LTBP2: variants seen among roughly 807,000 people sequenced by gnomAD.
LTBP2 encodes the protein latent-transforming growth factor beta-binding protein 2.
LTBP2 carries 103 observed loss-of-function variants against 210.6 expected under a neutral mutation model. The ratio of observed to expected loss-of-function variants is 0.49; its 90% confidence interval spans 0.42 to 0.58. The LOEUF (loss-of-function observed/expected upper bound fraction) is 0.58, where lower values mean the gene tolerates loss of function less well. Ranked by LOEUF, LTBP2 falls within the 20% of genes least tolerant of loss-of-function variation. The pLI is 0.00. For missense variants in LTBP2, 2,313 were observed against 2,494.5 expected (o/e 0.93, Z 1.55); for synonymous variants, 1,007 against 1,015.0 (o/e 0.99, Z 0.15).
chr14:74,580,115 G>A (rs2088117213), intron 3 of LTBP2, among the ~76,000 whole-genome samples: 1 of 152,184 alleles, frequency 6.6e-6, no homozygotes, highest in Admixed American at 6.5e-5. Flanking sequence ...TAGTGTTGCA[G>A]AGAAAAATGC....
intron 3 of LTBP2, among the ~76,000 whole-genome samples, chr14:74,576,078 C>A (rs2088054942): frequency 6.6e-6 from 1 of 152,224 alleles, no homozygotes; most frequent in African/African-American, 2.4e-5. Context: ...ACTCTCCCTG[C>A]CCTCAGGGGA....
rs1179439984 is a variant in LTBP2 at position 74,499,116 on chromosome 14, C to CTAT, written c.*1765_*1767dup. ...CTTCTGTCAGCTGTTATGAGAGTAC[C>CTAT]TATTTCCCACATGCTTGCCAGCTAG... is the stretch of plus-strand genomic sequence containing the variant. On this transcript the variant is annotated 3_prime_UTR_variant, in exon 36 of 36. Coordinates refer to ENST00000261978, the MANE Select transcript of LTBP2 (RefSeq NM_000428.3). The CTAT allele has an allele frequency of 4.6e-6, 1 of 217,008 alleles. No individual in the cohort carries two copies. The highest frequency in any genetic ancestry group is 9.3e-6 in the Non-Finnish European group (1 of 107,910). The allele number at this position is 217,008 out of a possible 1,614,324, so 13.4% of individuals were successfully genotyped here.
At position 74,506,693 on chromosome 14, in the gene LTBP2, C is replaced by T. The variant is rs2086990384; in HGVS notation, c.4033+5G>A. 1 of 1,613,240 alleles carries T rather than the reference C, an allele frequency of 6.2e-7. No individual in the cohort carries two copies. The highest frequency in any genetic ancestry group is 1.3e-5 in the African/African-American group (1 of 75,064). On this transcript the variant is annotated splice_donor_5th_base_variant and intron_variant, in intron 27 of 35. Transcript: ENST00000261978. ...CAGACCTTGGGTAGCCCACAGGCTC[C>T]TCACCCACACAGTCCCAGCCTGAGG...
chr14:74,516,821 C>A lies in LTBP2; in HGVS notation c.2908+1G>T. On this transcript the variant is annotated splice_donor_variant, in intron 18 of 35. Coordinates refer to ENST00000261978, the MANE Select transcript of LTBP2 (RefSeq NM_000428.3). LOFTEE classifies it high-confidence loss of function. ...GCGCTTCCCTCCTTCCCGTTCCTTA[C>A]CTTGGCAGTGTCCTTTCCTGACCAT... 6.4e-7 allele frequency: 1 copy of A among 1,551,802 alleles called. No homozygotes were observed. The highest frequency in any genetic ancestry group is 8.7e-7 in the Non-Finnish European group (1 of 1,147,028).
At position 74,532,420 on chromosome 14, in the gene LTBP2, A is replaced by C; in HGVS notation, c.1987+6T>G. On this transcript the variant is annotated splice_donor_region_variant and intron_variant, in intron 10 of 35. Coordinates refer to ENST00000261978, the MANE Select transcript of LTBP2 (RefSeq NM_000428.3). ...CCACCCCCACCCCATCCCTGCCAGC[A>C]CTCACACACACAGCGGCTCCGCGAT... 2 of 1,613,860 alleles carry C rather than the reference A, an allele frequency of 1.2e-6. No individual in the cohort carries two copies. Among genetic ancestry groups the C allele is most frequent in the East Asian group, 4.5e-5 (2 of 44,872 alleles).
chr14:74,498,644 G>T lies in LTBP2; in HGVS notation c.*2240C>A. 1 of 232,094 alleles carries T rather than the reference G, an allele frequency of 4.3e-6. No individual in the cohort carries two copies. The allele number at this position is 232,094 out of a possible 1,614,324, so 14.4% of individuals were successfully genotyped here. Reference sequence around the variant, plus strand: ...AAGGTTGGCAGGAAGGTGGAGATTGGAGTGTTGTGGGGGCAGTGGGAACAG... The same window carrying T: ...AAGGTTGGCAGGAAGGTGGAGATTGTAGTGTTGTGGGGGCAGTGGGAACAG... On this transcript the variant is annotated 3_prime_UTR_variant, in exon 36 of 36. Transcript: ENST00000261978.
chr14:74,606,053 G>C (rs747140195), intron 1 of LTBP2, among the ~76,000 whole-genome samples: 1 of 152,148 alleles, frequency 6.6e-6, no homozygotes, highest in Non-Finnish European at 1.5e-5. Flanking sequence ...AAATGAGCCT[G>C]AACAGCTGGG....
intron 8 of LTBP2, among the ~76,000 whole-genome samples, chr14:74,542,803 T>C (rs1357813261): frequency 1.3e-5 from 2 of 149,990 alleles, no homozygotes; most frequent in Non-Finnish European, 1.5e-5. Flanking sequence ...AGTCTAGCTC[T>C]GTCACCAGGC....
chr14:74,545,603 G>A (rs556380933), intron 8 of LTBP2, among the ~76,000 whole-genome samples: 2 of 152,370 alleles, frequency 1.3e-5, no homozygotes, highest in East Asian at 3.9e-4. Flanking sequence ...AAGGGGCCTG[G>A]GGGTTGACAC....
rs375641682 is a variant in LTBP2 at position 74,500,674 on chromosome 14, G to A, written c.*210C>T. 1.5e-6 allele frequency: 1 copy of A among 646,958 alleles called. No homozygotes were observed. The highest frequency in any genetic ancestry group is 2.8e-5 in the East Asian group (1 of 36,292). The allele number at this position is 646,958 out of a possible 1,614,324, so 40.1% of individuals were successfully genotyped here. On this transcript the variant is annotated 3_prime_UTR_variant, in exon 36 of 36. Transcript: ENST00000261978. ...CATGCGGTGGCTGAAGCATTAAAGC[G>A]ATTGGTGGTGCTTGAGCCAAGCAAG... is the stretch of plus-strand genomic sequence containing the variant.
intron 17 of LTBP2, 146 bp from the exon 18 acceptor site, chr14:74,517,087 C>G: frequency 9.4e-7 from 1 of 1,062,210 alleles, no homozygotes; most frequent in Admixed American, 2.0e-5. Context: ...GCTGCAGCCA[C>G]AATTGCCTGG....
chr14:74,532,393 G>A, intron 10 of LTBP2, 33 bp downstream of exon 10: 1 of 1,612,610 alleles, frequency 6.2e-7, no homozygotes, highest in Non-Finnish European at 8.5e-7. Context: ...GTCTCCCACT[G>A]TCCACCCCCA....
intron 21 of LTBP2, 119 bp downstream of exon 21, chr14:74,509,615 T>C (rs947863314): frequency 1.4e-5 from 21 of 1,464,454 alleles, no homozygotes; most frequent in Non-Finnish European, 2.0e-5. Flanking sequence ...TTATGGGGTC[T>C]TCTAGCCTAG....
chr14:74,524,857 C>T (rs929345899), intron 15 of LTBP2, among the ~76,000 whole-genome samples: 3 of 152,214 alleles, frequency 2.0e-5, no homozygotes, highest in African/African-American at 7.2e-5. Flanking sequence ...AGACCCCTGG[C>T]TTCCTTCTCC....
chr14:74,575,527 G>A (rs1406212522), intron 3 of LTBP2, among the ~76,000 whole-genome samples: 1 of 152,232 alleles, frequency 6.6e-6, no homozygotes, highest in Non-Finnish European at 1.5e-5. Context: ...CCCTGGTGTT[G>A]TGTCCAACAG....
At position 74,553,033 on chromosome 14, in the gene LTBP2, T is replaced by C. The variant is rs2087681715; in HGVS notation, c.1051A>G (p.Ile351Val). The C allele has an allele frequency of 2.5e-6, 4 of 1,614,138 alleles. No homozygotes were observed. The highest frequency in any genetic ancestry group is 2.5e-6 in the Non-Finnish European group (3 of 1,180,018). ...GLNLTEKIKK[I>V]KIVFTPTICK... The stretch of plus-strand genomic sequence containing the variant: ...ATGGTGGGAGTGAAGACGATCTTGA[T>C]CTTCTTGATTTTCTCCGTGAGGTTC... The change falls in exon 5 of 36, where the codon ATC (isoleucine) becomes GTC (valine). Residue 351 changes from isoleucine (I) to valine (V), a missense_variant. Coordinates refer to ENST00000261978, the MANE Select transcript of LTBP2 (RefSeq NM_000428.3).
rs375926570 is a variant in LTBP2, at chr14:74,508,628, C to T, written c.3628G>A (p.Ala1210Thr). 2.0e-5 allele frequency: 32 copies of T among 1,610,266 alleles called. No individual in the cohort carries two copies. The Admixed American group carries it at 3.2e-4, about 16-fold the overall frequency. The change falls in exon 24 of 36, where the codon GCA (alanine) becomes ACA (threonine). Residue 1210 changes from alanine (A) to threonine (T), a missense_variant. This residue lies in a region of LTBP2 where 1,867 missense variants were observed against 1,976.9 expected (regional missense o/e 0.94). Transcript: ENST00000261978. ...FCLCAPGFVS[A>T]EGGTSCQDVD... ...CCCTGGCAGCTGGTGCCCCCCTCTG[C>T]GCTGACGAAGCCAGGCGCGCACAGA...
At position 74,522,905 on chromosome 14, in the gene LTBP2, G is replaced by A. The variant is rs759557802; in HGVS notation, c.2544C>T (p.Cys848=). 17 of 1,611,836 alleles carry A rather than the reference G, an allele frequency of 1.1e-5. No individual in the cohort carries two copies. Among genetic ancestry groups the A allele is most frequent in the South Asian group, 3.3e-5 (3 of 90,498 alleles). The change falls in exon 16 of 36, where the codon TGC becomes TGT. Residue 848 remains cysteine (C), a synonymous_variant. Coordinates refer to ENST00000261978, the MANE Select transcript of LTBP2 (RefSeq NM_000428.3). ...CACAGACGTTGGTGGCTCCAGCAGC[G>A]CATCTGTCAATGCCTGTGGGAGACA... The part of the protein sequence containing the change: ...VTLSTPGIDR[C]AAGATNVCGP...
chr14:74,535,845 C>T, intron 9 of LTBP2, 81 bp downstream of exon 9: 2 of 1,277,826 alleles, frequency 1.6e-6, no homozygotes, highest in Admixed American at 1.8e-5. Context: ...ACCACTCGGC[C>T]AGTGACAGAC....
Sources: allele counts gnomAD v4.1 joint callset (sites outside exome capture counted in the v4.1 genomes callset), GRCh38; gene constraint gnomAD v4.1.1; regional missense constraint gnomAD v4.1.1; transcripts MANE v1.5; gene names NCBI Gene and HGNC (gene_info 2026-07-23, HGNC 2026-07-21).